GFRAL: variants seen among roughly 807,000 people sequenced by gnomAD.
The protein encoded by GFRAL is GDNF family receptor alpha-like.
In GFRAL, 36 loss-of-function variants were observed where a neutral mutation model predicts 45.4. That is an observed-to-expected ratio of 0.79 (90% CI 0.61 to 1.05). The LOEUF (loss-of-function observed/expected upper bound fraction) is 1.05. Among genes scored for constraint, GFRAL ranks in the 50% least tolerant of loss-of-function variants. The pLI is 0.00. For missense variants in GFRAL, 507 were observed against 467.5 expected (o/e 1.08, Z -0.78); for synonymous variants, 166 against 154.1 (o/e 1.08, Z -0.57).
chr6:55,369,049 T>C (rs868401652), intron 6 of GFRAL, among the ~76,000 whole-genome samples: 25,268 of 146,320 alleles, frequency 0.17, 2,629 homozygotes, highest in African/African-American at 0.28. Flanking sequence ...GCCTGGCTGC[T>C]GCCTTGCAGT....
At chr6:55,366,404 T>G (rs1056992210) in intron 6 of GFRAL, among the ~76,000 whole-genome samples, 129 of 148,430 alleles carry the variant, frequency 8.7e-4, no homozygotes, top group African/African-American at 3.1e-3. Flanking sequence ...CCTGGATTCA[T>G]TAATTTTTTG....
At chr6:55,346,193 A>G (rs1368470542) in intron 3 of GFRAL, among the ~76,000 whole-genome samples, 2 of 152,200 alleles carry the variant, frequency 1.3e-5, no homozygotes, top group African/African-American at 2.4e-5. Flanking sequence ...ATTACCAGGT[A>G]TATACCCAAA....
chr6:55,327,576 G>T lies in GFRAL; in HGVS notation c.22G>T (p.Ala8Ser). Residue 8 changes from alanine to serine, a missense_variant and splice_region_variant, in exon 1 of 9, where the codon GCT (alanine) becomes TCT (serine). Physicochemically the swap from Ala to Ser is moderately conservative, Grantham distance 99. Transcript: ENST00000340465. MIVFIFL[A>S]MGLSLENEYT... ...CAGCATGATAGTGTTTATTTTCTTG[G>T]GTAAGTGAATGGTGCTTCTGGTTTA... 2 of 1,612,370 alleles carry T rather than the reference G, an allele frequency of 1.2e-6. No homozygotes were observed. Among genetic ancestry groups the T allele is most frequent in the Non-Finnish European group, 1.7e-6 (2 of 1,178,834 alleles).
At chr6:55,395,613 A>T (rs1356981974) in intron 6 of GFRAL, among the ~76,000 whole-genome samples, 1 of 151,988 alleles carries the variant, frequency 6.6e-6, no homozygotes, top group East Asian at 1.9e-4. Context: ...GTGATATGTT[A>T]AATCCCTGTT....
chr6:55,399,120 C>A, intron 6 of GFRAL, 60 bp from the exon 7 acceptor site: 1 of 819,776 alleles, frequency 1.2e-6, no homozygotes, highest in Non-Finnish European at 1.9e-6. Flanking sequence ...AAATTGTAAT[C>A]CATAAAATTA....
chr6:55,346,473 A>G (rs567428109), intron 3 of GFRAL, among the ~76,000 whole-genome samples: 496 of 152,182 alleles, frequency 3.3e-3, no homozygotes, highest in African/African-American at 0.011. Flanking sequence ...ATTGTCACTC[A>G]TAGGTGGGAA....
chr6:55,362,788 T>C (rs1024481423), intron 6 of GFRAL, among the ~76,000 whole-genome samples: 2 of 151,476 alleles, frequency 1.3e-5, no homozygotes, highest in South Asian at 4.1e-4. Flanking sequence ...AAAAGAGATA[T>C]GAAATACCAC....
chr6:55,376,108 G>A (rs904592760), intron 6 of GFRAL, among the ~76,000 whole-genome samples: 8 of 152,060 alleles, frequency 5.3e-5, no homozygotes, highest in Admixed American at 5.2e-4. Flanking sequence ...TGCAACTATT[G>A]AGATAATCAT....
chr6:55,337,880 G>T (rs1164086841), intron 3 of GFRAL, among the ~76,000 whole-genome samples: 6 of 151,900 alleles, frequency 3.9e-5, no homozygotes, highest in Non-Finnish European at 5.9e-5. Flanking sequence ...ATTTTAATGT[G>T]TTCTCCATTT....
chr6:55,385,464 C>T (rs11754894), intron 6 of GFRAL, among the ~76,000 whole-genome samples: 9,762 of 152,014 alleles, frequency 0.064, 508 homozygotes, highest in African/African-American at 0.14. Flanking sequence ...TGTGGCTTAA[C>T]TAATTTAATT....
chr6:55,389,983 A>G (rs1332459799), intron 6 of GFRAL, among the ~76,000 whole-genome samples: 1 of 152,222 alleles, frequency 6.6e-6, no homozygotes. Context: ...TTAAAATAAC[A>G]CTGCTGCATA....
At chr6:55,389,399 A>T (rs1768719049) in intron 6 of GFRAL, among the ~76,000 whole-genome samples, 1 of 152,222 alleles carries the variant, frequency 6.6e-6, no homozygotes, top group East Asian at 1.9e-4. Flanking sequence ...AACGTACAGC[A>T]ATAGAACCCA....
chr6:55,368,764 G>T (rs1054539780), intron 6 of GFRAL, among the ~76,000 whole-genome samples: 2 of 152,152 alleles, frequency 1.3e-5, no homozygotes, highest in African/African-American at 4.8e-5. Context: ...GGGGGTCAGG[G>T]GTCAGGGACC....
intron 5 of GFRAL, among the ~76,000 whole-genome samples, chr6:55,358,476 A>C (rs191776440): frequency 1.1e-4 from 16 of 152,062 alleles, no homozygotes; most frequent in Admixed American, 7.2e-4. Flanking sequence ...GGGATAACTG[A>C]CTTGAAAAGT....
intron 6 of GFRAL, among the ~76,000 whole-genome samples, chr6:55,365,690 G>C (rs1417378899): frequency 6.9e-6 from 1 of 145,840 alleles, no homozygotes; most frequent in Non-Finnish European, 1.5e-5. Context: ...TGCATCTATT[G>C]AGATAATCAT....
chr6:55,392,895 CATAAT>C (rs1348316333), intron 6 of GFRAL, among the ~76,000 whole-genome samples: 5 of 151,856 alleles, frequency 3.3e-5, no homozygotes, highest in Non-Finnish European at 7.4e-5. Flanking sequence ...AATAGAATAA[CATAAT>C]ATAAAATAAA....
At chr6:55,384,432 C>T (rs1203779630) in intron 6 of GFRAL, among the ~76,000 whole-genome samples, 2 of 151,936 alleles carry the variant, frequency 1.3e-5, no homozygotes, top group Non-Finnish European at 2.9e-5. Flanking sequence ...AAAAAGTAGA[C>T]TTGGATAACT....
intron 3 of GFRAL, among the ~76,000 whole-genome samples, chr6:55,341,401 C>T (rs1767963402): frequency 6.6e-6 from 1 of 152,124 alleles, no homozygotes; most frequent in African/African-American, 2.4e-5. Context: ...CTTCTGACAC[C>T]CAGTCAAACA....
chr6:55,368,071 A>G (rs1477765173), intron 6 of GFRAL, among the ~76,000 whole-genome samples: 1 of 149,084 alleles, frequency 6.7e-6, no homozygotes, highest in Non-Finnish European at 1.5e-5. Context: ...CATCACTTTC[A>G]GGTACACCAA....
Sources: gnomAD v4.1 joint callset for allele counts (sites outside exome capture counted in the v4.1 genomes callset) on GRCh38, gnomAD v4.1.1 for gene constraint, MANE v1.5 for transcripts, NCBI Gene and HGNC (gene_info 2026-07-23, HGNC 2026-07-21) for gene names.